TEX10: variants seen among roughly 807,000 people sequenced by gnomAD.
TEX10 encodes testis-expressed protein 10.
In TEX10, 24 loss-of-function variants were observed where a neutral mutation model predicts 104.4. The ratio of observed to expected loss-of-function variants is 0.23; its 90% CI spans 0.17 to 0.32. The LOEUF (loss-of-function observed/expected upper bound fraction) is 0.32. Among genes scored for constraint, TEX10 ranks in the 10% least tolerant of loss-of-function variants. The pLI is 1.00. For missense variants in TEX10, 921 were observed against 1,083.9 expected, an observed-to-expected ratio of 0.85 and a Z score of 2.11; for synonymous variants, 396 against 393.4, an observed-to-expected ratio of 1.01 and a Z score of -0.08.
chr9:100,339,088 T>A (rs1835090175), intron 5 of TEX10, among the ~76,000 whole-genome samples: 2 of 150,792 alleles, frequency 1.3e-5, no homozygotes, highest in Non-Finnish European at 3.0e-5. Context: ...ACCCTGTCTC[T>A]ACTAAAAATA....
chr9:100,344,958 A>G (rs1835265817), intron 4 of TEX10, among the ~76,000 whole-genome samples: 1 of 152,200 alleles, frequency 6.6e-6, no homozygotes, highest in Admixed American at 6.5e-5. Flanking sequence ...TTCTATCTGA[A>G]CCTTTCAGAT....
chr9:100,347,491 T>A, intron 2 of TEX10, 85 bp from the exon 3 acceptor site: 1 of 1,033,442 alleles, frequency 9.7e-7, no homozygotes, highest in Non-Finnish European at 1.4e-6. Context: ...ACTACACTAG[T>A]AAACTGACAC....
chr9:100,352,279 G>A, intron 1 of TEX10: 1 of 1,385,190 alleles, frequency 7.2e-7, no homozygotes, highest in Non-Finnish European at 1.0e-6. Flanking sequence ...AATGGCCCAG[G>A]CAGGGGCGAC....
Position 100,321,665 on chromosome 9 carries a change from G to C in TEX10, c.2068+18C>G, listed in dbSNP as rs780738126. The C allele has an allele frequency of 8.8e-6, 14 of 1,586,226 alleles. No individual in the cohort carries two copies. The highest frequency in any genetic ancestry group is 9.5e-6 in the Non-Finnish European group (11 of 1,161,878). ...ATTAGGTTTTTTCTTTTTTAATCTG[G>C]CAAGTGAATGTGGTTACCTGTAAGT... On this transcript the variant is annotated intron_variant, in intron 10 of 14. Transcript: ENST00000374902.
intron 4 of TEX10, among the ~76,000 whole-genome samples, chr9:100,345,737 G>C (rs1358386965): frequency 6.6e-6 from 1 of 152,070 alleles, no homozygotes; most frequent in Admixed American, 6.5e-5. Context: ...TTTAAACCTT[G>C]TAAGAGACCT....
rs1271880863 is a variant in TEX10 at position 100,329,956 on chromosome 9, C to A, written c.1464G>T (p.Arg488Ser). The A allele has an allele frequency of 3.1e-6, 5 of 1,613,002 alleles. No individual in the cohort carries two copies. Among genetic ancestry groups the A allele is most frequent in the Non-Finnish European group, 4.2e-6 (5 of 1,179,376 alleles). ...CTCTGTTTGGCTGTATTTGCATTAACCTCCAGGATACTCCCAGCAATCTGT... is the reference window on the plus strand; with the variant it reads ...CTCTGTTTGGCTGTATTTGCATTAAACTCCAGGATACTCCCAGCAATCTGT... Reference protein sequence around the residue: ...QLNRLLGVSWRLMQIQPNRED... With the variant: ...QLNRLLGVSWSLMQIQPNRED... The change falls in exon 6 of 15, where the codon AGG becomes AGT. Residue 488 changes from arginine to serine, a missense_variant. By Grantham distance (110) the Arg-to-Ser change is moderately radical (BLOSUM62 -1). This residue lies in a region of TEX10 where 753 missense variants were observed against 868.4 expected (regional missense o/e 0.87). Coordinates refer to ENST00000374902, the MANE Select transcript of TEX10 (RefSeq NM_017746.4).
At chr9:100,314,187 A>G (rs1205167425) in intron 11 of TEX10, among the ~76,000 whole-genome samples, 1 of 150,552 alleles carries the variant, frequency 6.6e-6, no homozygotes, top group Non-Finnish European at 1.5e-5. Flanking sequence ...TCCTGGCTTT[A>G]AGCAATTCTC....
intron 11 of TEX10, among the ~76,000 whole-genome samples, chr9:100,318,867 C>G (rs1257249162): frequency 6.6e-6 from 1 of 151,946 alleles, no homozygotes; most frequent in East Asian, 1.9e-4. Flanking sequence ...AATTCAAGGC[C>G]AGCCTGGGCA....
intron 8 of TEX10, among the ~76,000 whole-genome samples, chr9:100,327,448 C>A (rs546107242): frequency 6.6e-6 from 1 of 150,388 alleles, no homozygotes; most frequent in Non-Finnish European, 1.5e-5. Flanking sequence ...GAAAGTCATA[C>A]GAGATATTCA....
intron 5 of TEX10, among the ~76,000 whole-genome samples, chr9:100,338,101 A>C (rs747244199): frequency 2.0e-5 from 3 of 152,164 alleles, no homozygotes; most frequent in Non-Finnish European, 4.4e-5. Context: ...TAGATGGCTT[A>C]TTAGGCTCTG....
intron 4 of TEX10, among the ~76,000 whole-genome samples, chr9:100,342,263 TC>T (rs1178474195): frequency 6.6e-6 from 1 of 152,220 alleles, no homozygotes; most frequent in Non-Finnish European, 1.5e-5. Context: ...CCCTCACTGT[TC>T]CTGCCCATGC....
intron 1 of TEX10, among the ~76,000 whole-genome samples, chr9:100,350,172 C>G (rs1835405762): frequency 6.6e-6 from 1 of 152,204 alleles, no homozygotes; most frequent in Non-Finnish European, 1.5e-5. Flanking sequence ...ACATTCCAAA[C>G]CTTGCACTTA....
intron 4 of TEX10, among the ~76,000 whole-genome samples, chr9:100,342,770 A>G (rs1835204816): frequency 6.6e-6 from 1 of 152,192 alleles, no homozygotes; most frequent in African/African-American, 2.4e-5. Context: ...ATAACATAAT[A>G]CTGACCCTGA....
chr9:100,307,923 TAA>T (rs1834181806), intron 13 of TEX10: 1 of 152,174 alleles, frequency 6.6e-6, no homozygotes. Flanking sequence ...TAGCAGGTTT[TAA>T]AACCTTCTAC....
At chr9:100,308,738 TA>T (rs1564202396) in intron 12 of TEX10, 57 bp from the exon 13 acceptor site, 2 of 1,415,082 alleles carry the variant, frequency 1.4e-6, no homozygotes, top group Non-Finnish European at 1.9e-6. Context: ...CTCCTCCACA[TA>T]AAACCAAAAC....
At chr9:100,320,171 A>G (rs887036183) in intron 11 of TEX10, 94 bp downstream of exon 11, 3 of 1,165,800 alleles carry the variant, frequency 2.6e-6, no homozygotes, top group African/African-American at 3.1e-5. Flanking sequence ...ATCTTTGAAA[A>G]GATCTCACAC....
chr9:100,313,625 G>C lies in TEX10; in HGVS notation c.2203-3246C>G, dbSNP rs142160864. ...GCACTTTGGGAGGCCAAGGCAGGCA[G>C]ATCACTTGAGGTCAGGAGTTCAAGA... On this transcript the variant is annotated intron_variant, in intron 11 of 14. Transcript: ENST00000374902. Among the ~76,000 whole-genome samples the C allele has an allele frequency of 4.3e-3, 658 of 152,140 alleles. 4 individuals are homozygous for C. Among genetic ancestry groups the C allele is most frequent in the African/African-American group, 0.015 (633 of 41,536 alleles).
chr9:100,331,171 G>A (rs562456198), intron 5 of TEX10, among the ~76,000 whole-genome samples: 10 of 152,324 alleles, frequency 6.6e-5, no homozygotes, highest in African/African-American at 2.2e-4. Flanking sequence ...TGAGGCAGGA[G>A]AATCACTTGA....
At chr9:100,319,434 A>G (rs2118859905) in intron 11 of TEX10, among the ~76,000 whole-genome samples, 1 of 152,332 alleles carries the variant, frequency 6.6e-6, no homozygotes, top group African/African-American at 2.4e-5. Context: ...TTATTTAAGA[A>G]AATAAAAAAA....
Sources: gnomAD v4.1 joint callset for allele counts (sites outside exome capture counted in the v4.1 genomes callset) on GRCh38, gnomAD v4.1.1 for gene constraint, gnomAD v4.1.1 regional missense constraint, MANE v1.5 for transcripts, NCBI Gene and HGNC (gene_info 2026-07-23, HGNC 2026-07-21) for gene names.